Variants in MMS22L observed in about 807,000 individuals in gnomAD.
The protein encoded by MMS22L is protein MMS22-like.
MMS22L carries 74 observed loss-of-function variants against 159.1 expected under a neutral mutation model. That is an observed-to-expected ratio of 0.47 (90% CI 0.39 to 0.56). The LOEUF is 0.56. Ranked by LOEUF, MMS22L falls within the 20% of genes least tolerant of loss-of-function variation. MMS22L has a pLI of 0.00. For missense variants in MMS22L, 1,351 were observed against 1,422.1 expected (o/e 0.95, Z 0.80); for synonymous variants, 517 against 506.9 (o/e 1.02, Z -0.27).
intron 24 of MMS22L, among the ~76,000 whole-genome samples, chr6:97,147,214 T>C: frequency 6.6e-6 from 1 of 152,196 alleles, no homozygotes; most frequent in African/African-American, 2.4e-5. Context: ...AATGATGGTA[T>C]GATTACAATG....
chr6:97,260,016 T>C (rs1232726850), intron 9 of MMS22L: 1 of 152,196 alleles, frequency 6.6e-6, no homozygotes, highest in Non-Finnish European at 1.5e-5. Flanking sequence ...TTGTTTTAAG[T>C]TGACTTTGCA....
At chr6:97,181,630 G>A (rs1011274697) in intron 16 of MMS22L, among the ~76,000 whole-genome samples, 2 of 152,042 alleles carry the variant, frequency 1.3e-5, no homozygotes, top group African/African-American at 4.8e-5. Context: ...GTGTAGAAAG[G>A]TCACTTCAGT....
At chr6:97,187,055 G>A (rs1265662983) in intron 14 of MMS22L, among the ~76,000 whole-genome samples, 1 of 106,916 alleles carries the variant, frequency 9.4e-6, no homozygotes, top group African/African-American at 3.4e-5. Context: ...TCTCCTGAGG[G>A]CTTTAGGACA....
chr6:97,227,148 A>C (rs765366303), intron 14 of MMS22L, among the ~76,000 whole-genome samples: 38 of 150,522 alleles, frequency 2.5e-4, no homozygotes, highest in Middle Eastern at 3.2e-3. Flanking sequence ...ATTAAATTTA[A>C]AGTACTTGTA....
chr6:97,249,853 A>G (rs1262464591), intron 10 of MMS22L, among the ~76,000 whole-genome samples: 1 of 151,648 alleles, frequency 6.6e-6, no homozygotes, highest in Non-Finnish European at 1.5e-5. Context: ...CAGGGTTGAT[A>G]TAATTTAAGT....
At chr6:97,195,147 T>C (rs1169294667) in intron 14 of MMS22L, among the ~76,000 whole-genome samples, 4 of 152,008 alleles carry the variant, frequency 2.6e-5, no homozygotes, top group Non-Finnish European at 5.9e-5. Context: ...AAGAACTAAA[T>C]AAGTAAGGGA....
intron 14 of MMS22L, among the ~76,000 whole-genome samples, chr6:97,215,855 G>A (rs1808954639): frequency 1.3e-5 from 2 of 152,124 alleles, no homozygotes; most frequent in African/African-American, 4.8e-5. Flanking sequence ...GGGGAAATAG[G>A]CCTTAGGAGA....
chr6:97,173,237 A>T lies in MMS22L; in HGVS notation c.2680-15T>A. ...ACACCAACAGCCTATAAATAAAGAAAAACATTATTTAACTTCCCAAAGTTT... is the reference window on the plus strand; with the variant it reads ...ACACCAACAGCCTATAAATAAAGAATAACATTATTTAACTTCCCAAAGTTT... On this transcript the variant is annotated splice_polypyrimidine_tract_variant and intron_variant, in intron 18 of 24. Transcript: ENST00000683635. The T allele has an allele frequency of 6.2e-7, 1 of 1,600,078 alleles. No individual in the cohort carries two copies.
chr6:97,229,399 A>G lies in MMS22L; in HGVS notation c.1534T>C (p.Tyr512His). ...ATTCTTTTTTGATGGAATTTTGAAT[A>G]TATTCTGTAAAACATTAAAAAATGC... is the stretch of plus-strand genomic sequence containing the variant. ...HPWKQVKGRI[Y>H]SKFHQKRMEE... Residue 512 changes from tyrosine to histidine, a missense_variant, in exon 14 of 25, where the codon TAT becomes CAT. By Grantham distance (83) the Tyr-to-His change is moderately conservative (BLOSUM62 2). Transcript: ENST00000683635. The G allele has an allele frequency of 6.5e-7, 1 of 1,545,650 alleles. No homozygotes were observed. Among genetic ancestry groups the G allele is most frequent in the Non-Finnish European group, 8.7e-7 (1 of 1,145,130 alleles).
rs541559608 is a variant in MMS22L, at chr6:97,216,579, T to C, written c.2039+12315A>G. 2.5e-4 allele frequency among the ~76,000 whole-genome samples: 38 copies of C among 152,324 alleles called. No individual in the cohort carries two copies. The Middle Eastern group carries it at 0.014, about 55-fold the overall frequency. On this transcript the variant is annotated intron_variant, in intron 14 of 24. Transcript: ENST00000683635. Reference sequence around the variant, plus strand: ...TCCATAGTCAGAGAAGAGTTAACTTTAACCAATCTGTCACGAATGGGATTT... The same window carrying C: ...TCCATAGTCAGAGAAGAGTTAACTTCAACCAATCTGTCACGAATGGGATTT...
chr6:97,212,466 G>A (rs928247760), intron 14 of MMS22L, among the ~76,000 whole-genome samples: 5 of 152,154 alleles, frequency 3.3e-5, no homozygotes, highest in African/African-American at 1.2e-4. Context: ...GGAAAACTCT[G>A]TCTAATAAAC....
At chr6:97,205,795 A>G (rs183624277) in intron 14 of MMS22L, among the ~76,000 whole-genome samples, 1 of 152,302 alleles carries the variant, frequency 6.6e-6, no homozygotes, top group Admixed American at 6.5e-5. Context: ...ACATTTAATA[A>G]TGATTCACCT....
chr6:97,157,669 C>T (rs564587413), intron 22 of MMS22L, among the ~76,000 whole-genome samples: 12 of 152,194 alleles, frequency 7.9e-5, no homozygotes, highest in South Asian at 4.1e-4. Flanking sequence ...GGGATGAAGC[C>T]GACTTGATCG....
intron 14 of MMS22L, among the ~76,000 whole-genome samples, chr6:97,211,624 T>G (rs1808383838): frequency 6.6e-6 from 1 of 152,102 alleles, no homozygotes. Context: ...ACTACATTGG[T>G]TTTAGAATCT....
intron 10 of MMS22L, among the ~76,000 whole-genome samples, chr6:97,252,808 G>A (rs1488932675): frequency 1.3e-5 from 2 of 152,140 alleles, no homozygotes; most frequent in African/African-American, 4.8e-5. Context: ...ACTAAAGTTG[G>A]AGAGGAAGAA....
intron 14 of MMS22L, among the ~76,000 whole-genome samples, chr6:97,194,351 C>A (rs1206163): frequency 6.6e-6 from 1 of 152,008 alleles, no homozygotes; most frequent in East Asian, 1.9e-4. Flanking sequence ...CCACCATGCC[C>A]GGCCGAGGGT....
At chr6:97,223,997 G>GT (rs1562477324) in intron 14 of MMS22L, among the ~76,000 whole-genome samples, 1 of 152,116 alleles carries the variant, frequency 6.6e-6, no homozygotes, top group African/African-American at 2.4e-5. Flanking sequence ...GATTTGATGG[G>GT]TTTTTTATGG....
chr6:97,257,753 T>C (rs1219551262), intron 9 of MMS22L, among the ~76,000 whole-genome samples: 1 of 151,802 alleles, frequency 6.6e-6, no homozygotes, highest in African/African-American at 2.4e-5. Flanking sequence ...AGGCATCATA[T>C]TGATGGTACA....
intron 20 of MMS22L, 93 bp from the exon 21 acceptor site, chr6:97,165,550 A>T: frequency 2.0e-6 from 2 of 989,066 alleles, no homozygotes; most frequent in Non-Finnish European, 3.0e-6. Context: ...CAGCATTAAT[A>T]ATCATGTGAG....
Sources: gnomAD v4.1 joint callset for allele counts (sites outside exome capture counted in the v4.1 genomes callset) on GRCh38, gnomAD v4.1.1 for gene constraint, MANE v1.5 for transcripts, NCBI Gene and HGNC (gene_info 2026-07-23, HGNC 2026-07-21) for gene names.